PPP2R2C: variants seen among roughly 807,000 people sequenced by gnomAD.
PPP2R2C encodes the protein protein phosphatase 2 regulatory subunit Bgamma, also known as protein phosphatase 2, regulatory subunit B, gamma.
PPP2R2C carries 10 observed loss-of-function variants against 45.3 expected under a neutral mutation model. That is an observed-to-expected ratio of 0.22 (90% CI 0.14 to 0.37). PPP2R2C has a LOEUF of 0.37. Among genes scored for constraint, PPP2R2C ranks in the 10% least tolerant of loss-of-function variants. PPP2R2C has a pLI of 1.00. For synonymous variants in PPP2R2C, 257 were observed against 245.4 expected (o/e 1.05, Z -0.44); for missense variants, 308 against 619.7 (o/e 0.50, Z 5.34).
intron 1 of PPP2R2C, among the ~76,000 whole-genome samples, chr4:6,391,812 T>TC (rs1716664962): frequency 6.6e-6 from 1 of 152,108 alleles, no homozygotes. Flanking sequence ...CATGCAGTGA[T>TC]CCCCCAGAAC....
At chr4:6,402,736 G>A (rs1199271817) in intron 1 of PPP2R2C, among the ~76,000 whole-genome samples, 2 of 152,248 alleles carry the variant, frequency 1.3e-5, no homozygotes, top group East Asian at 3.8e-4. Context: ...GATCAGGGAT[G>A]ACTTCCTGGA....
intron 1 of PPP2R2C, among the ~76,000 whole-genome samples, chr4:6,390,009 T>C (rs1716490716): frequency 6.6e-6 from 1 of 152,046 alleles, no homozygotes; most frequent in South Asian, 2.1e-4. Flanking sequence ...CCCACGTCTA[T>C]GAAAGAGACC....
intron 1 of PPP2R2C, chr4:6,381,721 C>T: frequency 6.3e-7 from 1 of 1,575,740 alleles, no homozygotes; most frequent in Non-Finnish European, 8.6e-7. Flanking sequence ...CACTTCATCC[C>T]AACCATGTTT....
chr4:6,470,234 T>C (rs930914061), intron 1 of PPP2R2C, among the ~76,000 whole-genome samples: 3 of 151,528 alleles, frequency 2.0e-5, no homozygotes, highest in African/African-American at 7.3e-5. Context: ...GGGCAGGGAG[T>C]CTTTGTCCAG....
chr4:6,326,779 C>T (rs1731978137), intron 8 of PPP2R2C, among the ~76,000 whole-genome samples: 1 of 152,220 alleles, frequency 6.6e-6, no homozygotes, highest in Admixed American at 6.5e-5. Context: ...CTCTCCACAG[C>T]ACGCTGCCCA....
At chr4:6,431,708 G>A (rs1389049757) in intron 1 of PPP2R2C, among the ~76,000 whole-genome samples, 1 of 152,096 alleles carries the variant, frequency 6.6e-6, no homozygotes, top group Non-Finnish European at 1.5e-5. Context: ...CCTGCCTCTG[G>A]GGAGCCTGGA....
chr4:6,485,061 A>G (rs1487597929), intron 2 of PPP2R2C, among the ~76,000 whole-genome samples: 4 of 151,872 alleles, frequency 2.6e-5, no homozygotes, highest in African/African-American at 7.2e-5. Flanking sequence ...CTCTTTATCA[A>G]GTAGAGGAAC....
At chr4:6,417,036 A>G (rs1453689380) in intron 1 of PPP2R2C, among the ~76,000 whole-genome samples, 2 of 152,296 alleles carry the variant, frequency 1.3e-5, no homozygotes. Flanking sequence ...GGGGTCCAGC[A>G]CTGGGGAAGC....
intron 2 of PPP2R2C, among the ~76,000 whole-genome samples, chr4:6,531,682 CA>C: frequency 1.3e-5 from 2 of 152,128 alleles, no homozygotes; most frequent in Admixed American, 1.3e-4. Flanking sequence ...AGCTCTTCCT[CA>C]GTTGCTGTTA....
chr4:6,555,468 G>C (rs1274501766), intron 1 of PPP2R2C: 2 of 152,290 alleles, frequency 1.3e-5, no homozygotes, highest in Non-Finnish European at 2.9e-5. Context: ...CTGTGTATGT[G>C]GCTGTGCAGG....
chr4:6,466,690 A>G (rs1442494011), intron 1 of PPP2R2C, among the ~76,000 whole-genome samples: 1 of 152,174 alleles, frequency 6.6e-6, no homozygotes, highest in Non-Finnish European at 1.5e-5. Flanking sequence ...CTCAAGGCCT[A>G]AACACTTCTT....
intron 1 of PPP2R2C, among the ~76,000 whole-genome samples, chr4:6,438,983 G>T (rs1196100394): frequency 2.0e-5 from 3 of 152,160 alleles, no homozygotes; most frequent in Non-Finnish European, 4.4e-5. Flanking sequence ...CTTCCATTTG[G>T]ACAAAGGATC....
intron 5 of PPP2R2C, among the ~76,000 whole-genome samples, chr4:6,353,317 C>T (rs1712747085): frequency 9.3e-6 from 1 of 107,520 alleles, no homozygotes; most frequent in Non-Finnish European, 1.9e-5. Context: ...AACAGCCTTC[C>T]CATACTGACA....
chr4:6,535,253 T>C, intron 2 of PPP2R2C: 2 of 1,535,122 alleles, frequency 1.3e-6, no homozygotes, highest in Non-Finnish European at 1.7e-6. Context: ...TGCCCGGCTG[T>C]GAGAACGGGC....
chr4:6,372,390 G>A (rs1714906328), intron 5 of PPP2R2C, 133 bp downstream of exon 5: 3 of 920,768 alleles, frequency 3.3e-6, no homozygotes, highest in Admixed American at 4.8e-5. Flanking sequence ...CTAGGAGCCA[G>A]AGGTGCCTCA....
At chr4:6,351,538 A>C (rs114152554) in intron 5 of PPP2R2C, among the ~76,000 whole-genome samples, 2 of 152,152 alleles carry the variant, frequency 1.3e-5, no homozygotes, top group African/African-American at 4.8e-5. Context: ...AACCTGGGTC[A>C]GGACCCATGG....
At chr4:6,500,383 G>C (rs1220615683) in intron 2 of PPP2R2C, among the ~76,000 whole-genome samples, 1 of 152,178 alleles carries the variant, frequency 6.6e-6, no homozygotes, top group Non-Finnish European at 1.5e-5. Flanking sequence ...CCTGACCTCA[G>C]ATGATCTGCC....
chr4:6,493,660 G>A (rs991928688), intron 2 of PPP2R2C, among the ~76,000 whole-genome samples: 6 of 151,826 alleles, frequency 4.0e-5, no homozygotes, highest in African/African-American at 1.5e-4. Flanking sequence ...CGTGTCTGTA[G>A]CCAGCTCTCC....
chr4:6,448,461 C>T (rs1021214067), intron 1 of PPP2R2C, among the ~76,000 whole-genome samples: 5 of 152,128 alleles, frequency 3.3e-5, no homozygotes, highest in Non-Finnish European at 5.9e-5. Flanking sequence ...GGGCCGGCCC[C>T]ACCTCCAGAG....
Sources: allele counts gnomAD v4.1 joint callset (sites outside exome capture counted in the v4.1 genomes callset), GRCh38; gene constraint gnomAD v4.1.1; transcripts MANE v1.5; gene names NCBI Gene and HGNC (gene_info 2026-07-23, HGNC 2026-07-21).